The following DLG2 variants were observed in gnomAD, a reference collection of about 807,000 sequenced individuals.
DLG2 encodes discs large MAGUK scaffold protein 2, also known as disks large homolog 2.
DLG2 carries 45 observed loss-of-function variants against 132.5 expected under a neutral mutation model. That is an observed-to-expected ratio of 0.34 (90% CI 0.27 to 0.44). The LOEUF (loss-of-function observed/expected upper bound fraction) is 0.44, where lower values mean the gene tolerates loss of function less well. Ranked by LOEUF, DLG2 falls within the 20% of genes least tolerant of loss-of-function variation. The pLI is 1.00. For synonymous variants in DLG2, 424 were observed against 419.6 expected, an observed-to-expected ratio of 1.01 and a Z score of -0.13; for missense variants, 1,045 against 1,196.9, an observed-to-expected ratio of 0.87 and a Z score of 1.87.
At chr11:84,408,116 A>G (rs1399811782) in intron 7 of DLG2, among the ~76,000 whole-genome samples, 5 of 152,210 alleles carry the variant, frequency 3.3e-5, no homozygotes, top group Non-Finnish European at 7.3e-5. Context: ...ATGAGCTCGG[A>G]AAAGATGACC....
At chr11:84,383,758 C>G (rs1414998767) in intron 7 of DLG2, among the ~76,000 whole-genome samples, 2 of 152,086 alleles carry the variant, frequency 1.3e-5, no homozygotes, top group Admixed American at 1.3e-4. Flanking sequence ...TTGGCTTAGC[C>G]TCTTGTAAGA....
At chr11:84,677,290 C>T (rs2099715347) in intron 6 of DLG2, among the ~76,000 whole-genome samples, 1 of 152,026 alleles carries the variant, frequency 6.6e-6, no homozygotes, top group African/African-American at 2.4e-5. Flanking sequence ...CCAGTAGCTT[C>T]ACTTATACCT....
intron 3 of DLG2, among the ~76,000 whole-genome samples, chr11:85,590,743 T>C (rs1479406686): frequency 2.0e-5 from 3 of 152,022 alleles, no homozygotes; most frequent in Admixed American, 6.6e-5. Context: ...TTGCTTGCTA[T>C]AGGAAAACCT....
chr11:84,660,630 A>C (rs1292927813), intron 6 of DLG2, among the ~76,000 whole-genome samples: 1 of 152,168 alleles, frequency 6.6e-6, no homozygotes, highest in Non-Finnish European at 1.5e-5. Flanking sequence ...TTTGAACTAG[A>C]CTATGATGGA....
intron 6 of DLG2, among the ~76,000 whole-genome samples, chr11:84,594,759 G>C (rs1490493764): frequency 6.6e-6 from 1 of 152,150 alleles, no homozygotes; most frequent in Non-Finnish European, 1.5e-5. Context: ...TGATAAACTG[G>C]AGACCTGCCA....
chr11:83,565,061 T>C (rs1183581221), intron 19 of DLG2, among the ~76,000 whole-genome samples: 2 of 152,190 alleles, frequency 1.3e-5, no homozygotes, highest in African/African-American at 4.8e-5. Flanking sequence ...TTAATGACTA[T>C]CATGTTGCCA....
chr11:85,411,305 G>C (rs766555050), intron 3 of DLG2, among the ~76,000 whole-genome samples: 2 of 151,672 alleles, frequency 1.3e-5, no homozygotes, highest in Non-Finnish European at 2.9e-5. Context: ...AAGAAAGCTT[G>C]GAAATGAAGA....
intron 6 of DLG2, among the ~76,000 whole-genome samples, chr11:84,802,394 A>G (rs990259898): frequency 3.9e-5 from 6 of 151,988 alleles, no homozygotes; most frequent in Non-Finnish European, 7.4e-5. Flanking sequence ...CAGCAGCAGC[A>G]GCAAGAAACC....
At chr11:84,520,779 C>G (rs776933702) in intron 7 of DLG2, among the ~76,000 whole-genome samples, 2 of 152,122 alleles carry the variant, frequency 1.3e-5, no homozygotes, top group African/African-American at 2.4e-5. Flanking sequence ...GTTCTTTAAG[C>G]GTAGATGGTA....
intron 3 of DLG2, among the ~76,000 whole-genome samples, chr11:85,507,402 C>G (rs942947538): frequency 6.6e-6 from 1 of 152,074 alleles, no homozygotes; most frequent in Non-Finnish European, 1.5e-5. Context: ...ATAAGGCAGA[C>G]CTGGTGGTGA....
intron 11 of DLG2, among the ~76,000 whole-genome samples, chr11:84,024,844 C>T (rs917806818): frequency 2.1e-4 from 31 of 149,228 alleles, no homozygotes; most frequent in African/African-American, 7.1e-4. Context: ...TATTGCCAAA[C>T]CCGGTGAATA....
intron 6 of DLG2, among the ~76,000 whole-genome samples, chr11:84,564,422 C>T (rs1272368163): frequency 6.6e-6 from 1 of 152,110 alleles, no homozygotes; most frequent in Non-Finnish European, 1.5e-5. Flanking sequence ...GCTTTAAACC[C>T]TTGAAAGATC....
At chr11:84,043,133 AAGCAATTTATTAATTAATTATAAATTG>A (rs1299045247) in intron 11 of DLG2, among the ~76,000 whole-genome samples, 1 of 151,624 alleles carries the variant, frequency 6.6e-6, no homozygotes, top group Admixed American at 6.6e-5. Flanking sequence ...AAATTTATTT[AAGCAATTTATTAATTAATTATAAATTG>A]AGCAATTTAT....
intron 7 of DLG2, among the ~76,000 whole-genome samples, chr11:84,362,944 A>C (rs1188926877): frequency 6.6e-6 from 1 of 151,926 alleles, no homozygotes; most frequent in Non-Finnish European, 1.5e-5. Flanking sequence ...AGTCTTTGCT[A>C]TTGTGAATAG....
chr11:85,149,903 G>A (rs2077113208), intron 5 of DLG2, among the ~76,000 whole-genome samples: 1 of 151,574 alleles, frequency 6.6e-6, no homozygotes, highest in Non-Finnish European at 1.5e-5. Context: ...TAAAAACTAA[G>A]GAGAGCCACT....
intron 18 of DLG2, among the ~76,000 whole-genome samples, chr11:83,778,970 G>A (rs1475377181): frequency 6.6e-6 from 1 of 152,094 alleles, no homozygotes; most frequent in Admixed American, 6.6e-5. Context: ...GCCTTTTTCT[G>A]TTAGTAGAAT....
chr11:85,589,185 A>G (rs1169155331), intron 3 of DLG2, among the ~76,000 whole-genome samples: 1 of 152,202 alleles, frequency 6.6e-6, no homozygotes, highest in African/African-American at 2.4e-5. Context: ...GGACAGATTT[A>G]GGACCACTGG....
chr11:85,428,706 T>C (rs1413885341), intron 3 of DLG2, among the ~76,000 whole-genome samples: 3 of 152,012 alleles, frequency 2.0e-5, no homozygotes, highest in Non-Finnish European at 4.4e-5. Context: ...CCTAACATCA[T>C]AATTAAAAGA....
At chr11:83,590,168 C>T (rs925557980) in intron 19 of DLG2, among the ~76,000 whole-genome samples, 3 of 148,340 alleles carry the variant, frequency 2.0e-5, no homozygotes, top group African/African-American at 7.5e-5. Context: ...ACTCTCCACC[C>T]CAAATCAACA....
Sources: gnomAD v4.1 joint callset for allele counts (sites outside exome capture counted in the v4.1 genomes callset) on GRCh38, gnomAD v4.1.1 for gene constraint, MANE v1.5 for transcripts, NCBI Gene and HGNC (gene_info 2026-07-23, HGNC 2026-07-21) for gene names.